The following TGS1 variants were observed in gnomAD, a reference collection of about 807,000 sequenced individuals.
The protein encoded by TGS1 is trimethylguanosine synthase 1.
In TGS1, 69 loss-of-function variants were observed where a neutral mutation model predicts 92.2. The ratio of observed to expected loss-of-function variants is 0.75; its 90% confidence interval spans 0.62 to 0.91. TGS1 has a LOEUF of 0.91. Among genes scored for constraint, TGS1 ranks in the 40% least tolerant of loss-of-function variants. The pLI, the probability that TGS1 is intolerant of heterozygous loss-of-function variation, is 0.00. For missense variants in TGS1, 1,062 were observed against 1,001.2 expected, an observed-to-expected ratio of 1.06 and a Z score of -0.82; for synonymous variants, 345 against 338.1, an observed-to-expected ratio of 1.02 and a Z score of -0.22.
chr8:55,822,707 A>G (rs967849818), intron 12 of TGS1, among the ~76,000 whole-genome samples: 3 of 151,304 alleles, frequency 2.0e-5, no homozygotes, highest in Non-Finnish European at 4.4e-5. Context: ...AAAAAAAAAT[A>G]GTGGGGGGGG....
At chr8:55,798,664 T>G (rs1289777969) in intron 7 of TGS1, among the ~76,000 whole-genome samples, 3 of 152,254 alleles carry the variant, frequency 2.0e-5, no homozygotes, top group Non-Finnish European at 4.4e-5. Context: ...TAGTATTTAT[T>G]GATAGCAGGA....
intron 10 of TGS1, among the ~76,000 whole-genome samples, chr8:55,806,122 G>A (rs1193637932): frequency 2.0e-5 from 3 of 151,282 alleles, no homozygotes; most frequent in African/African-American, 7.3e-5. Flanking sequence ...TTAGGAGGCC[G>A]AGGCAGGCTG....
chr8:55,786,186 CT>C (rs1811702844), intron 3 of TGS1, 51 bp from the exon 4 acceptor site: 4 of 1,001,026 alleles, frequency 4.0e-6, no homozygotes, highest in African/African-American at 1.7e-5. Flanking sequence ...ATTCTACTTT[CT>C]TTTATAGTTC....
Position 55,786,874 on chromosome 8 carries a change from C to G in TGS1, c.976C>G (p.Leu326Val). 1 of 1,614,126 alleles carries G rather than the reference C, an allele frequency of 6.2e-7. No individual in the cohort carries two copies. The highest frequency in any genetic ancestry group is 8.5e-7 in the Non-Finnish European group (1 of 1,180,004). ...EILDGISNIK[L>V]NSEEVTQSQL... ...ACTTGATGGAATTAGTAACATAAAA[C>G]TGAATTCAGAGGAAGTAACACAGAG... Residue 326 changes from leucine to valine, a missense_variant, in exon 4 of 13, where the codon CTG becomes GTG. Leu to Val is a conservative substitution (Grantham distance 32, BLOSUM62 1). Coordinates refer to ENST00000260129, the MANE Select transcript of TGS1 (RefSeq NM_024831.8).
rs373134336 is a variant in TGS1 at position 55,787,090 on chromosome 8, G to A, written c.1162+30G>A. 3.0e-5 allele frequency: 46 copies of A among 1,509,694 alleles called. No individual in the cohort carries two copies. In the African/African-American group the frequency reaches 4.2e-4, roughly 14 times the overall value. The allele number at this position is 1,509,694 out of a possible 1,614,324, so 93.5% of individuals were successfully genotyped here. On this transcript the variant is annotated intron_variant, in intron 4 of 12. Transcript: ENST00000260129. ...GATTAACCAAGATTTATTCTGCCAT[G>A]TAATGGTTAGCAAAATGAATTCATT...
chr8:55,820,043 A>G (rs1411508679), intron 12 of TGS1, among the ~76,000 whole-genome samples: 1 of 152,214 alleles, frequency 6.6e-6, no homozygotes, highest in Non-Finnish European at 1.5e-5. Flanking sequence ...ATTATCTTCT[A>G]ACCACATTTC....
chr8:55,811,460 T>C (rs968941126), intron 11 of TGS1, among the ~76,000 whole-genome samples: 2 of 148,786 alleles, frequency 1.3e-5, no homozygotes, highest in African/African-American at 5.0e-5. Context: ...GGACTCTGTC[T>C]CAAAAGAGAG....
rs761645958 is a variant in TGS1 at position 55,824,649 on chromosome 8, G to A, written c.2508G>A (p.Lys836=). ...IEQNFLNNKL[K]TITAYFGDLI... ...AGAACTTCCTTAACAACAAATTGAA[G>A]ACAATCACTGCATATTTTGGTGACC... Residue 836 remains lysine, a synonymous_variant, in exon 13 of 13, where the codon AAG becomes AAA. Transcript: ENST00000260129. The A allele has an allele frequency of 1.5e-5, 24 of 1,614,072 alleles. No homozygotes were observed. Among genetic ancestry groups the A allele is most frequent in the African/African-American group, 9.3e-5 (7 of 74,944 alleles).
rs1480090137 is a variant in TGS1, at chr8:55,774,716, A to G, written c.101+997A>G. 3.3e-5 allele frequency among the ~76,000 whole-genome samples: 5 copies of G among 152,328 alleles called. No individual in the cohort carries two copies. In the South Asian group the frequency reaches 8.3e-4, roughly 25 times the overall value. Reference sequence around the variant, plus strand: ...CCTAGCAGAGAAGATCAATATTAAGATAACTGGTTACATTATTACTTGGTT... The same window carrying G: ...CCTAGCAGAGAAGATCAATATTAAGGTAACTGGTTACATTATTACTTGGTT... On this transcript the variant is annotated intron_variant, in intron 1 of 12. Coordinates refer to ENST00000260129, the MANE Select transcript of TGS1 (RefSeq NM_024831.8).
intron 2 of TGS1, among the ~76,000 whole-genome samples, chr8:55,785,253 A>C (rs1811675649): frequency 6.6e-6 from 1 of 151,566 alleles, no homozygotes; most frequent in African/African-American, 2.4e-5. Flanking sequence ...ACGGGTTTTC[A>C]CCATGTTGGC....
At chr8:55,802,383 AT>A in intron 8 of TGS1, 73 bp from the exon 9 acceptor site, 2 of 1,273,534 alleles carry the variant, frequency 1.6e-6, no homozygotes, top group South Asian at 1.3e-5. Flanking sequence ...ATGTGGCTTC[AT>A]TTTTAGATAA....
chr8:55,803,884 A>T (rs1019087625), intron 9 of TGS1, among the ~76,000 whole-genome samples: 16 of 151,866 alleles, frequency 1.1e-4, no homozygotes, highest in African/African-American at 3.9e-4. Flanking sequence ...GGGTTTTGCC[A>T]TGTTGCCCAG....
intron 2 of TGS1, among the ~76,000 whole-genome samples, chr8:55,785,480 G>C (rs80277826): frequency 0.052 from 7,952 of 152,156 alleles, 230 homozygotes; most frequent in East Asian, 0.081. Flanking sequence ...CAAGAGGACT[G>C]ACTGAGCCCG....
At chr8:55,805,973 GA>G (rs1812357330) in intron 10 of TGS1, among the ~76,000 whole-genome samples, 1 of 147,100 alleles carries the variant, frequency 6.8e-6, no homozygotes, top group South Asian at 2.1e-4. Context: ...ATGAGAGGAT[GA>G]CCTGAGCCCA....
intron 1 of TGS1, among the ~76,000 whole-genome samples, chr8:55,780,684 TG>T (rs1368959252): frequency 2.0e-5 from 3 of 152,244 alleles, no homozygotes; most frequent in African/African-American, 7.2e-5. Flanking sequence ...CTGTGAAGGA[TG>T]CCAAGGAGTA....
chr8:55,774,830 A>G (rs1380938577), intron 1 of TGS1, among the ~76,000 whole-genome samples: 1 of 152,230 alleles, frequency 6.6e-6, no homozygotes, highest in Non-Finnish European at 1.5e-5. Context: ...TCTTTGAGGA[A>G]GTAGCTTTTG....
At chr8:55,804,842 C>G (rs370098115) in intron 9 of TGS1, 51 bp from the exon 10 acceptor site, 4 of 1,557,254 alleles carry the variant, frequency 2.6e-6, no homozygotes, top group Non-Finnish European at 3.5e-6. Context: ...TTTATGCTTG[C>G]CTTGGCTTCT....
chr8:55,775,154 T>C (rs1811353983), intron 1 of TGS1, among the ~76,000 whole-genome samples: 1 of 151,878 alleles, frequency 6.6e-6, no homozygotes, highest in African/African-American at 2.4e-5. Context: ...CTCTGGAGGC[T>C]TGGGCCAGAT....
intron 6 of TGS1, among the ~76,000 whole-genome samples, chr8:55,793,774 ATTTTTTAATTT>A (rs1194769950): frequency 1.1e-4 from 15 of 134,748 alleles, no homozygotes; most frequent in Non-Finnish European, 2.2e-4. Context: ...TTATTTATTT[ATTTTTTAATTT>A]TTTATTTTTT....
Sources: gnomAD v4.1 joint callset for allele counts (sites outside exome capture counted in the v4.1 genomes callset) on GRCh38, gnomAD v4.1.1 for gene constraint, MANE v1.5 for transcripts, NCBI Gene and HGNC (gene_info 2026-07-23, HGNC 2026-07-21) for gene names.